Variants in CSAD observed in about 807,000 individuals in gnomAD.
The protein encoded by CSAD is cysteine sulfinic acid decarboxylase, also known as P-selectin cytoplasmic tail-associated protein.
A neutral mutation model predicts 61.5 loss-of-function variants in CSAD; 47 were observed. The ratio of observed to expected loss-of-function variants is 0.76; its 90% CI spans 0.60 to 0.97. The LOEUF (loss-of-function observed/expected upper bound fraction) is 0.97. Ranked by LOEUF, CSAD falls within the 50% of genes least tolerant of loss-of-function variation. The pLI is 0.00. For synonymous variants in CSAD, 245 were observed against 252.7 expected (o/e 0.97, Z 0.29); for missense variants, 611 against 643.6 (o/e 0.95, Z 0.55).
At chr12:53,160,358 C>G in intron 13 of CSAD, 39 bp from the exon 14 acceptor site, 2 of 1,596,508 alleles carry the variant, frequency 1.3e-6, no homozygotes, top group Non-Finnish European at 1.7e-6. Context: ...CCTACCCTCT[C>G]CACCGAGGCT....
Position 53,172,428 on chromosome 12 carries a change from GA to G in CSAD, c.261del (p.Arg88GlyfsTer45), listed in dbSNP as rs1940697836. ...CCAGAGAAGAGCTGGTTGAAGAACC[GA>G]GGGTGACCTGGAGAAGGAGAGTAAG... ...VIRYSVKTGH[P>X]RFFNQLFSGL... is the part of the protein sequence containing the mutation. On this transcript the variant is annotated frameshift_variant, in exon 6 of 17. Transcript: ENST00000444623. LOFTEE classifies it high-confidence loss of function. 1 of 1,613,962 alleles carries G rather than the reference GA, an allele frequency of 6.2e-7. No individual in the cohort carries two copies. Among genetic ancestry groups the G allele is most frequent in the Admixed American group, 1.7e-5 (1 of 59,990 alleles).
At position 53,173,408 on chromosome 12, in the gene CSAD, G is replaced by T; in HGVS notation, c.63C>A (p.Leu21=). The T allele has an allele frequency of 6.2e-7, 1 of 1,614,192 alleles. No homozygotes were observed. Among genetic ancestry groups the T allele is most frequent in the Non-Finnish European group, 8.5e-7 (1 of 1,180,030 alleles). ...AGDPVAVEAL[L]RAVFGVVVDE... ...CCACAACAACCCCAAACACGGCCCG[G>T]AGCAAGGCTTCCACAGCCACTGGGT... is the stretch of plus-strand genomic sequence containing the variant. Residue 21 remains leucine (L), a synonymous_variant, in exon 4 of 17, where the codon CTC becomes CTA. Coordinates refer to ENST00000444623, the MANE Select transcript of CSAD (RefSeq NM_001244705.2).
At chr12:53,176,362 A>T (rs1355196136) in intron 2 of CSAD, among the ~76,000 whole-genome samples, 1 of 151,834 alleles carries the variant, frequency 6.6e-6, no homozygotes, top group Non-Finnish European at 1.5e-5. Context: ...GTGAGCCAAG[A>T]TCGCACCATT....
In CSAD at chr12:53,171,207, G is replaced by A. The variant is rs774267499; in HGVS notation, c.567+119C>T. 8.1e-6 allele frequency: 12 copies of A among 1,475,122 alleles called. No homozygotes were observed. In the African/African-American group the frequency reaches 9.7e-5, roughly 12 times the overall value. 91.4% of individuals were successfully genotyped at this position (1,475,122 alleles called of 1,614,324 possible). A position where few individuals can be genotyped will look rare whatever the true frequency, so the allele number is the denominator to read the frequency against. ...TGATTGGAAGGAAGCACATCCGCCT[G>A]GGGGCAGGCTGGCCTTGGAGGATGT... On this transcript the variant is annotated intron_variant, in intron 8 of 16. Coordinates refer to ENST00000444623, the MANE Select transcript of CSAD (RefSeq NM_001244705.2).
intron 2 of CSAD, among the ~76,000 whole-genome samples, chr12:53,178,822 C>T (rs1271354361): frequency 1.3e-5 from 2 of 152,048 alleles, no homozygotes; most frequent in African/African-American, 2.4e-5. Flanking sequence ...TAAATAAAAG[C>T]ACATATCCTA....
chr12:53,179,473 T>C (rs1941387383), intron 1 of CSAD: 1 of 383,786 alleles, frequency 2.6e-6, no homozygotes, highest in African/African-American at 2.1e-5. Flanking sequence ...GTGTCTTTTA[T>C]ACTTTTGCGT....
At chr12:53,173,207 A>G (rs901663667) in intron 4 of CSAD, 138 bp downstream of exon 4, 2 of 844,682 alleles carry the variant, frequency 2.4e-6, no homozygotes, top group Middle Eastern at 2.6e-4. Context: ...GACTCTGTCA[A>G]GAAAGAAAGG....
At chr12:53,161,212 C>T (rs747388359) in intron 11 of CSAD, 21 bp from the exon 12 acceptor site, 4 of 1,614,110 alleles carry the variant, frequency 2.5e-6, no homozygotes, top group South Asian at 1.1e-5. Flanking sequence ...GGAGGAACAA[C>T]GTGGGCCTTG....
intron 2 of CSAD, 142 bp from the exon 3 acceptor site, chr12:53,173,912 C>A: frequency 1.3e-6 from 1 of 762,702 alleles, no homozygotes; most frequent in South Asian, 1.7e-5. Context: ...AAAAAAACCT[C>A]AGTAGCAGTC....
At chr12:53,171,254 T>G (rs778949969) in intron 8 of CSAD, 72 bp downstream of exon 8, 2 of 1,607,302 alleles carry the variant, frequency 1.2e-6, no homozygotes, top group East Asian at 4.5e-5. Flanking sequence ...GGAGAAGACC[T>G]GGAAGGTCTC....
intron 10 of CSAD, among the ~76,000 whole-genome samples, chr12:53,163,859 T>C (rs1029911437): frequency 6.6e-6 from 1 of 152,170 alleles, no homozygotes; most frequent in African/African-American, 2.4e-5. Context: ...TTTCAAAACA[T>C]ACTACAAAGC....
At chr12:53,169,961 G>C (rs1374686108) in intron 10 of CSAD, 111 bp downstream of exon 10, 43 of 919,056 alleles carry the variant, frequency 4.7e-5, no homozygotes, top group Non-Finnish European at 7.4e-5. Flanking sequence ...GCCCACAGGG[G>C]AGATGGGCAT....
chr12:53,181,035 C>T, upstream of CSAD: 4 of 879,992 alleles, frequency 4.5e-6, no homozygotes, highest in Non-Finnish European at 4.3e-6. Flanking sequence ...CCCGCCGCGT[C>T]CCCGGCCCGG....
At chr12:53,166,082 A>G (rs1237497751) in intron 10 of CSAD, 1 of 152,278 alleles carries the variant, frequency 6.6e-6, no homozygotes, top group Non-Finnish European at 1.5e-5. Context: ...CTGTAATCCT[A>G]GCACTTTGGG....
At chr12:53,179,789 G>A (rs904095198) in intron 1 of CSAD, 6 of 1,613,144 alleles carry the variant, frequency 3.7e-6, no homozygotes, top group Non-Finnish European at 5.1e-6. Context: ...CAGAAATGAG[G>A]ACTTCAGTGG....
rs1187717799 is a variant in CSAD at position 53,161,391 on chromosome 12, T to C, written c.703-2A>G. The C allele has an allele frequency of 6.2e-7, 1 of 1,609,222 alleles. No individual in the cohort carries two copies. The highest frequency in any genetic ancestry group is 8.5e-7 in the Non-Finnish European group (1 of 1,176,140). On this transcript the variant is annotated splice_acceptor_variant, in intron 10 of 16. Transcript: ENST00000444623. LOFTEE classifies it high-confidence loss of function. ...ACTGACCAGGAACGGCACAGCACCC[T>C]GTTGCCAAAATGTAGAGGGAGAAAG... is the stretch of plus-strand genomic sequence containing the variant.
At chr12:53,158,829 C>T in intron 16 of CSAD, 145 bp from the exon 17 acceptor site, 1 of 698,274 alleles carries the variant, frequency 1.4e-6, no homozygotes, top group South Asian at 1.9e-5. Context: ...CAGACCTTGA[C>T]CTTGGCCTCA....
chr12:53,160,481 T>C (rs978755716), intron 13 of CSAD, among the ~76,000 whole-genome samples, 162 bp from the exon 14 acceptor site: 9 of 152,170 alleles, frequency 5.9e-5, no homozygotes, highest in African/African-American at 2.2e-4. Flanking sequence ...TTTCTTTGGG[T>C]TTCCTCCCAA....
In CSAD at chr12:53,158,282, C is replaced by T; in HGVS notation, c.*229G>A. The T allele has an allele frequency of 2.9e-6, 1 of 348,028 alleles. No individual in the cohort carries two copies. Among genetic ancestry groups the T allele is most frequent in the Non-Finnish European group, 5.3e-6 (1 of 187,206 alleles). 21.6% of individuals were successfully genotyped at this position (348,028 alleles called of 1,614,324 possible). A position where few individuals can be genotyped will look rare whatever the true frequency, so the allele number is the denominator to read the frequency against. ...TCCTGAGTAGCTGGGTTTACAGGCA[C>T]AGGCCACCATGCTCGGCTAATTTTT... On this transcript the variant is annotated 3_prime_UTR_variant, in exon 17 of 17. Coordinates refer to ENST00000444623, the MANE Select transcript of CSAD (RefSeq NM_001244705.2).
Sources: gnomAD v4.1 joint callset for allele counts (sites outside exome capture counted in the v4.1 genomes callset) on GRCh38, gnomAD v4.1.1 for gene constraint, MANE v1.5 for transcripts, NCBI Gene and HGNC (gene_info 2026-07-23, HGNC 2026-07-21) for gene names.